The following JAKMIP1 variants were observed in gnomAD, a reference collection of about 807,000 sequenced individuals.
JAKMIP1 encodes janus kinase and microtubule interacting protein 1, also known as janus kinase and microtubule-interacting protein 1.
A neutral mutation model predicts 113.0 loss-of-function variants in JAKMIP1; 33 were observed. That is an observed-to-expected ratio of 0.29 (90% confidence interval 0.22 to 0.39). The LOEUF (loss-of-function observed/expected upper bound fraction) is 0.39. Ranked by LOEUF, JAKMIP1 falls within the 10% of genes least tolerant of loss-of-function variation. The pLI, the probability that JAKMIP1 is intolerant of heterozygous loss-of-function variation, is 1.00. For missense variants in JAKMIP1, 813 were observed against 1,080.5 expected (o/e 0.75, Z 3.47); for synonymous variants, 480 against 459.9 (o/e 1.04, Z -0.56).
intron 9 of JAKMIP1, among the ~76,000 whole-genome samples, chr4:6,063,968 C>T (rs2108789962): frequency 6.6e-6 from 1 of 152,342 alleles, no homozygotes; most frequent in South Asian, 2.1e-4. Flanking sequence ...CCACCTGCCC[C>T]TGCCGGAGGG....
intron 3 of JAKMIP1, among the ~76,000 whole-genome samples, chr4:6,098,608 A>C (rs1712314772): frequency 6.8e-6 from 1 of 147,248 alleles, no homozygotes; most frequent in South Asian, 2.2e-4. Flanking sequence ...GAAAGGAAGA[A>C]AAGAAAGAAA....
In JAKMIP1 at chr4:6,161,293, C is replaced by CT. The variant is rs201059062; in HGVS notation, c.-148+38959_-148+38960insA. On this transcript the variant is annotated intron_variant, in intron 1 of 20. Coordinates refer to ENST00000409021, the MANE Select transcript of JAKMIP1 (RefSeq NM_001099433.2). ...ACTTCCCCTGACCTCCACTCAGCTC[C>CT]CTGACCTCCACTGACTTCTATGGCC... is the stretch of plus-strand genomic sequence containing the variant. Among the ~76,000 whole-genome samples the CT allele has an allele frequency of 1.5e-3, 217 of 147,524 alleles. 3 individuals are homozygous for CT. The highest frequency in any genetic ancestry group is 5.6e-3 in the African/African-American group (211 of 37,482).
In JAKMIP1 at chr4:6,044,201, G is replaced by C. The variant is rs1241116773; in HGVS notation, c.2029-1974C>G. ...CACTCACCTGACAGCGCTGTTGTCT[G>C]TTTCACCCCTCACCCCGCTGCCCCC... On this transcript the variant is annotated intron_variant, in intron 16 of 20. Transcript: ENST00000409021. The surrounding 1 kb of genome is among the most constrained non-coding windows in gnomAD (Gnocchi z 4.4). Among the ~76,000 whole-genome samples, 1 of 151,974 alleles carries C rather than the reference G, an allele frequency of 6.6e-6. No homozygotes were observed. The highest frequency in any genetic ancestry group is 1.5e-5 in the Non-Finnish European group (1 of 68,002).
chr4:6,169,854 A>G (rs1023821772), intron 1 of JAKMIP1, among the ~76,000 whole-genome samples: 16 of 151,828 alleles, frequency 1.1e-4, no homozygotes, highest in African/African-American at 3.9e-4. Flanking sequence ...TGTTATGAGT[A>G]GACATCAGAT....
rs1724282121 is a variant in JAKMIP1, at chr4:6,170,252, AC to A, written c.-148+30000del. On this transcript the variant is annotated intron_variant, in intron 1 of 20. Coordinates refer to ENST00000409021, the MANE Select transcript of JAKMIP1 (RefSeq NM_001099433.2). ...CTCCACCATCACCACCACTCCCCCC[AC>A]CCTTCTCACCACCACCACCACCATC... is the stretch of plus-strand genomic sequence containing the variant. 3.6e-5 allele frequency among the ~76,000 whole-genome samples: 5 copies of A among 137,940 alleles called. No individual in the cohort carries two copies. In the South Asian group the frequency reaches 1.3e-3, roughly 35 times the overall value. The allele number at this position is 137,940 out of a possible 152,430, so 90.5% of individuals were successfully genotyped here. A position where few individuals can be genotyped will look rare whatever the true frequency, so the allele number is the denominator to read the frequency against.
rs890316735 is a variant in JAKMIP1 at position 6,094,401 on chromosome 4, C to T, written c.625-8772G>A. On this transcript the variant is annotated intron_variant, in intron 3 of 20. Transcript: ENST00000409021. This position sits in a 1 kb window ranked among gnomAD's most constrained non-coding sequence, Gnocchi z 4.2. ...AGGCCAGAAATGGGCCACTCCTACCCAACTGACAGGAGGAATCGTGCTAAG... is the reference window on the plus strand; with the variant it reads ...AGGCCAGAAATGGGCCACTCCTACCTAACTGACAGGAGGAATCGTGCTAAG... 1.3e-5 allele frequency among the ~76,000 whole-genome samples: 2 copies of T among 152,176 alleles called. No homozygotes were observed. The highest frequency in any genetic ancestry group is 2.9e-5 in the Non-Finnish European group (2 of 68,030).
rs1027664283 is a variant in JAKMIP1 at position 6,080,886 on chromosome 4, G to T, written c.1102-574C>A. On this transcript the variant is annotated intron_variant, in intron 6 of 20. Coordinates refer to ENST00000409021, the MANE Select transcript of JAKMIP1 (RefSeq NM_001099433.2). This position sits in a 1 kb window ranked among gnomAD's most constrained non-coding sequence, Gnocchi z 6.0. The stretch of plus-strand genomic sequence containing the variant: ...ACCATGCACACTGCTGACAGGAAGG[G>T]ATGCGCAGGGCCTGGGGGTGGAAGA... Among the ~76,000 whole-genome samples, 3 of 152,046 alleles carry T rather than the reference G, an allele frequency of 2.0e-5. No individual in the cohort carries two copies. The highest frequency in any genetic ancestry group is 1.3e-4 in the Admixed American group (2 of 15,266).
chr4:6,149,082 C>T (rs890767654), intron 1 of JAKMIP1, among the ~76,000 whole-genome samples: 12 of 152,218 alleles, frequency 7.9e-5, no homozygotes, highest in African/African-American at 2.2e-4. Flanking sequence ...AAACAGTGGC[C>T]GGGTTTGCAC....
rs981226832 is a variant in JAKMIP1, at chr4:6,153,563, C to T, written c.-147-40566G>A. On this transcript the variant is annotated intron_variant, in intron 1 of 20. Transcript: ENST00000409021. This position sits in a 1 kb window ranked among gnomAD's most constrained non-coding sequence, Gnocchi z 4.9. ...ATTAGCTTTCCGGAGGTGTAATTTG[C>T]GCTGTAAGAGGGTGCACCTCAGACA... Among the ~76,000 whole-genome samples the T allele has an allele frequency of 3.3e-5, 5 of 152,162 alleles. No individual in the cohort carries two copies. The highest frequency in any genetic ancestry group is 1.3e-4 in the Admixed American group (2 of 15,280).
At chr4:6,092,838 C>A (rs946603697) in intron 3 of JAKMIP1, among the ~76,000 whole-genome samples, 3 of 152,200 alleles carry the variant, frequency 2.0e-5, no homozygotes, top group Non-Finnish European at 4.4e-5. Context: ...ACCTGTGATG[C>A]TTCATCTACT....
At chr4:6,114,892 C>T (rs1175345570) in intron 1 of JAKMIP1, among the ~76,000 whole-genome samples, 1 of 152,176 alleles carries the variant, frequency 6.6e-6, no homozygotes, top group Admixed American at 6.5e-5. Flanking sequence ...AAATACAACA[C>T]CAAAAAAGGA....
intron 1 of JAKMIP1, among the ~76,000 whole-genome samples, chr4:6,146,228 C>CT (rs1328182135): frequency 1.9e-4 from 4 of 20,594 alleles, no homozygotes; most frequent in East Asian, 1.3e-3. Flanking sequence ...CTGCCAGGGG[C>CT]TGGGGGGAGG....
chr4:6,031,483 C>T lies in JAKMIP1; in HGVS notation c.2380-1702G>A, dbSNP rs1377716960. Among the ~76,000 whole-genome samples the T allele has an allele frequency of 6.6e-6, 1 of 151,970 alleles. No homozygotes were observed. On this transcript the variant is annotated intron_variant, in intron 19 of 20. Transcript: ENST00000409021. This position sits in a 1 kb window ranked among gnomAD's most constrained non-coding sequence, Gnocchi z 4.4. Reference sequence around the variant, plus strand: ...GCCGTGGGCTGGAGGAGACGTGGAACCCAGCAGGGTTAGTTCACCAGATGC... The same window carrying T: ...GCCGTGGGCTGGAGGAGACGTGGAATCCAGCAGGGTTAGTTCACCAGATGC...
In JAKMIP1 at chr4:6,067,981, TCAAGTTACA is replaced by T. The variant is rs1718414571; in HGVS notation, c.1303-2982_1303-2974del. On this transcript the variant is annotated intron_variant, in intron 8 of 20. Coordinates refer to ENST00000409021, the MANE Select transcript of JAKMIP1 (RefSeq NM_001099433.2). This position sits in a 1 kb window ranked among gnomAD's most constrained non-coding sequence, Gnocchi z 4.6. ...TGTTGCTGTAGCCCAGGAAGCATCA[TCAAGTTACA>T]CACTTTCCAAACATTTAGAACACAC... Among the ~76,000 whole-genome samples the T allele has an allele frequency of 6.6e-6, 1 of 152,290 alleles. No homozygotes were observed. Among genetic ancestry groups the T allele is most frequent in the Admixed American group, 6.5e-5 (1 of 15,300 alleles).
chr4:6,112,951 C>T lies in JAKMIP1; in HGVS notation c.-101G>A, dbSNP rs148533308. 1,290 of 1,473,418 alleles carry T rather than the reference C, an allele frequency of 8.8e-4. 11 individuals are homozygous for T. In the African/African-American group the frequency reaches 0.016, roughly 18 times the overall value. The allele number at this position is 1,473,418 out of a possible 1,614,324, so 91.3% of individuals were successfully genotyped here. ...CCAGCTCCACCGTGCTAACCAGTCGCGCAGGACTCAGCTCGCCCTCCGAGG... is the reference window on the plus strand; with the variant it reads ...CCAGCTCCACCGTGCTAACCAGTCGTGCAGGACTCAGCTCGCCCTCCGAGG... On this transcript the variant is annotated 5_prime_UTR_variant, in exon 2 of 21. Coordinates refer to ENST00000409021, the MANE Select transcript of JAKMIP1 (RefSeq NM_001099433.2).
chr4:6,174,249 G>A (rs1368414113), intron 1 of JAKMIP1, among the ~76,000 whole-genome samples: 1 of 152,206 alleles, frequency 6.6e-6, no homozygotes, highest in African/African-American at 2.4e-5. Context: ...GTTGTAAACA[G>A]GATGCAGCCA....
chr4:6,169,961 TCACCACCACCACCACCACTACCACCAC>T (rs1210665228), intron 1 of JAKMIP1, among the ~76,000 whole-genome samples: 72 of 146,046 alleles, frequency 4.9e-4, no homozygotes, highest in Admixed American at 8.1e-4. Context: ...ATCACTCTCA[TCACCACCACCACCACCACTACCACCAC>T]CACCACCACC....
chr4:6,148,510 G>A (rs886843937), intron 1 of JAKMIP1, among the ~76,000 whole-genome samples: 1 of 152,240 alleles, frequency 6.6e-6, no homozygotes, highest in African/African-American at 2.4e-5. Flanking sequence ...GTGTGGGCAC[G>A]GACTCTGCGC....
chr4:6,060,439 C>T lies in JAKMIP1; in HGVS notation c.1629G>A (p.Leu543=). 1 of 1,613,556 alleles carries T rather than the reference C, an allele frequency of 6.2e-7. No homozygotes were observed. Among genetic ancestry groups the T allele is most frequent in the Non-Finnish European group, 8.5e-7 (1 of 1,179,436 alleles). Residue 543 remains leucine (L), a synonymous_variant, in exon 11 of 21, where the codon CTG becomes CTA. Transcript: ENST00000409021. The part of the protein sequence containing the change: ...QAKIEDLEKL[L]VEKGQDSKWV... ...TCCTGCTCACCTGTCCCTTCTCAAC[C>T]AGTAACTTCTCCAAATCTTCGATTT...
Sources: allele counts gnomAD v4.1 joint callset (sites outside exome capture counted in the v4.1 genomes callset), GRCh38; gene constraint gnomAD v4.1.1; non-coding constraint Gnocchi (gnomAD v3.1); transcripts MANE v1.5; gene names NCBI Gene and HGNC (gene_info 2026-07-23, HGNC 2026-07-21).